Variants in CNTNAP2 observed in about 807,000 individuals in gnomAD.
CNTNAP2 encodes contactin associated protein 2.
A neutral mutation model predicts 155.2 loss-of-function variants in CNTNAP2; 98 were observed. That is an observed-to-expected ratio of 0.63 (90% CI 0.54 to 0.75). The LOEUF (loss-of-function observed/expected upper bound fraction) is 0.75. Ranked by LOEUF, CNTNAP2 falls within the 30% of genes least tolerant of loss-of-function variation. The pLI, the probability that CNTNAP2 is intolerant of heterozygous loss-of-function variation, is 0.00. For missense variants in CNTNAP2, 1,727 were observed against 1,688.1 expected, an observed-to-expected ratio of 1.02 and a Z score of -0.40; for synonymous variants, 651 against 631.2, an observed-to-expected ratio of 1.03 and a Z score of -0.47.
chr7:146,301,469 A>T (rs1225403234), intron 1 of CNTNAP2, among the ~76,000 whole-genome samples: 1 of 135,676 alleles, frequency 7.4e-6, no homozygotes, highest in Non-Finnish European at 1.5e-5. Flanking sequence ...CTAAAAATAC[A>T]AAAAAAATTA....
intron 3 of CNTNAP2, among the ~76,000 whole-genome samples, chr7:147,016,910 T>C (rs997337295): frequency 6.6e-6 from 1 of 151,906 alleles, no homozygotes; most frequent in Non-Finnish European, 1.5e-5. Context: ...GAGAAAAATG[T>C]GTCCGGCCAA....
chr7:147,411,363 T>C (rs1584933136), intron 10 of CNTNAP2, among the ~76,000 whole-genome samples: 5 of 152,216 alleles, frequency 3.3e-5, no homozygotes, highest in African/African-American at 1.2e-4. Flanking sequence ...GTTACACAAC[T>C]GTGTATAATT....
chr7:147,007,211 G>T (rs185688290), intron 3 of CNTNAP2, among the ~76,000 whole-genome samples: 46 of 152,244 alleles, frequency 3.0e-4, no homozygotes. Flanking sequence ...AGTCCCTATT[G>T]AAGTGATTTT....
chr7:147,116,897 G>A (rs1801002674), intron 5 of CNTNAP2, among the ~76,000 whole-genome samples: 1 of 150,746 alleles, frequency 6.6e-6, no homozygotes, highest in Non-Finnish European at 1.5e-5. Context: ...CTCCTTGTCT[G>A]GACTCTTTGG....
At chr7:147,788,528 T>G (rs994845478) in intron 13 of CNTNAP2, among the ~76,000 whole-genome samples, 2 of 152,218 alleles carry the variant, frequency 1.3e-5, no homozygotes, top group Admixed American at 6.5e-5. Flanking sequence ...TTGCTCAAAG[T>G]CATGCCAGAA....
chr7:147,221,818 A>G (rs942776196), intron 8 of CNTNAP2, among the ~76,000 whole-genome samples: 6 of 152,142 alleles, frequency 3.9e-5, no homozygotes, highest in Non-Finnish European at 8.8e-5. Context: ...CAAAGTCTCC[A>G]TGTCTCCTTA....
chr7:147,575,107 A>ATATGTATGTGTGTGTGTGTG (rs1554406899), intron 12 of CNTNAP2, among the ~76,000 whole-genome samples: 10 of 94,064 alleles, frequency 1.1e-4, no homozygotes, highest in African/African-American at 3.9e-4. Context: ...TTTGTGGGAA[A>ATATGTATGTGTGTGTGTGTG]TGTGTGTGTG....
intron 1 of CNTNAP2, among the ~76,000 whole-genome samples, chr7:146,180,842 CAGTA>C (rs1046862607): frequency 3.3e-5 from 5 of 152,100 alleles, no homozygotes; most frequent in African/African-American, 9.7e-5. Context: ...GGTCAGTAAC[CAGTA>C]AGTAAGTTTG....
chr7:147,183,323 A>G (rs1802504100), intron 8 of CNTNAP2, among the ~76,000 whole-genome samples: 1 of 152,238 alleles, frequency 6.6e-6, no homozygotes, highest in South Asian at 2.1e-4. Flanking sequence ...ACAGCTAAAT[A>G]AAGAGATTAA....
intron 8 of CNTNAP2, among the ~76,000 whole-genome samples, chr7:147,229,974 T>C (rs1192890083): frequency 6.6e-6 from 1 of 152,184 alleles, no homozygotes; most frequent in African/African-American, 2.4e-5. Context: ...AAACTTACTA[T>C]ACATCAAACT....
At chr7:147,845,667 AGTTCT>A (rs537599041) in intron 13 of CNTNAP2, among the ~76,000 whole-genome samples, 3 of 386 alleles carry the variant, frequency 7.8e-3, no homozygotes, top group Admixed American at 0.019. Flanking sequence ...TTGCTTTTCT[AGTTCT>A]TTTAATTGTG....
At chr7:147,983,654 C>A (rs1162990170) in intron 15 of CNTNAP2, among the ~76,000 whole-genome samples, 2 of 152,092 alleles carry the variant, frequency 1.3e-5, no homozygotes, top group African/African-American at 4.8e-5. Flanking sequence ...AGTCTAGAAG[C>A]AATGTGAGAG....
intron 13 of CNTNAP2, among the ~76,000 whole-genome samples, chr7:147,901,564 A>C (rs2710115): frequency 0.071 from 10,828 of 152,206 alleles, 718 homozygotes; most frequent in African/African-American, 0.18. Flanking sequence ...CATATTTTCC[A>C]AATAGAAGTT....
At chr7:146,191,485 C>T (rs138960396) in intron 1 of CNTNAP2, among the ~76,000 whole-genome samples, 2,325 of 152,214 alleles carry the variant, frequency 0.015, 51 homozygotes, top group African/African-American at 0.052. Context: ...TATCAGGAGA[C>T]AGGGTTTGAG....
chr7:147,310,587 G>T (rs1584863349), intron 9 of CNTNAP2, among the ~76,000 whole-genome samples: 1 of 152,276 alleles, frequency 6.6e-6, no homozygotes, highest in East Asian at 1.9e-4. Flanking sequence ...TATATCTGGT[G>T]CAAATATGTG....
rs532318815 is a variant in CNTNAP2, at chr7:147,747,726, C to T, written c.2098+108420C>T. 2.1e-3 allele frequency among the ~76,000 whole-genome samples: 315 copies of T among 152,276 alleles called. 1 individual carries two copies. The highest frequency in any genetic ancestry group is 3.6e-3 in the Non-Finnish European group (242 of 68,016). On this transcript the variant is annotated intron_variant, in intron 13 of 23. Coordinates refer to ENST00000361727, the MANE Select transcript of CNTNAP2 (RefSeq NM_014141.6). ...TCCATTCCCACTAACACTGTTTGAT[C>T]GTTTCCCCTTGCCCATATCCCCATC...
chr7:147,796,890 G>C (rs851686), intron 13 of CNTNAP2, among the ~76,000 whole-genome samples: 129,634 of 152,166 alleles, frequency 0.85, 55,383 homozygotes, highest in East Asian at 1. Context: ...TAAGACCTCC[G>C]TTTTTTTGTC....
intron 4 of CNTNAP2, among the ~76,000 whole-genome samples, chr7:147,095,202 T>G (rs906986298): frequency 2.0e-5 from 3 of 149,554 alleles, no homozygotes; most frequent in Non-Finnish European, 4.5e-5. Flanking sequence ...TTTTTTTTTT[T>G]TTTTTGTATT....
chr7:147,730,797 A>G (rs1464312423), intron 13 of CNTNAP2, among the ~76,000 whole-genome samples: 1 of 152,116 alleles, frequency 6.6e-6, no homozygotes, highest in African/African-American at 2.4e-5. Context: ...CTCTTATACC[A>G]AACAGCCAAG....
Sources: allele counts gnomAD v4.1 joint callset (sites outside exome capture counted in the v4.1 genomes callset), GRCh38; gene constraint gnomAD v4.1.1; transcripts MANE v1.5; gene names NCBI Gene and HGNC (gene_info 2026-07-23, HGNC 2026-07-21).